Variants in CCDC149 observed in about 807,000 individuals in gnomAD.
The protein encoded by CCDC149 is coiled-coil domain containing 149.
A neutral mutation model predicts 59.9 loss-of-function variants in CCDC149; 45 were observed. The ratio of observed to expected loss-of-function variants is 0.75; its 90% CI spans 0.59 to 0.96. The LOEUF is 0.96. Among genes scored for constraint, CCDC149 ranks in the 40% least tolerant of loss-of-function variants. The pLI is 0.00. For synonymous variants in CCDC149, 245 were observed against 260.6 expected (o/e 0.94, Z 0.58); for missense variants, 584 against 664.7 (o/e 0.88, Z 1.33).
intron 2 of CCDC149, among the ~76,000 whole-genome samples, chr4:24,875,925 A>ACCATGGT: frequency 6.6e-6 from 1 of 152,316 alleles, no homozygotes; most frequent in East Asian, 1.9e-4. Context: ...CCTGAGATCA[A>ACCATGGT]CCATGGTCCA....
chr4:24,854,815 T>C (rs2109189752), intron 3 of CCDC149, among the ~76,000 whole-genome samples: 2 of 152,304 alleles, frequency 1.3e-5, no homozygotes, highest in Middle Eastern at 6.8e-3. Flanking sequence ...GGCATGATCC[T>C]ATTTCAGTGC....
At chr4:24,949,660 G>T (rs953529065) in intron 1 of CCDC149, among the ~76,000 whole-genome samples, 1 of 152,154 alleles carries the variant, frequency 6.6e-6, no homozygotes, top group African/African-American at 2.4e-5. Context: ...AAACCTCAGA[G>T]CCAGAAAGAA....
chr4:24,956,686 T>C (rs569609314), intron 1 of CCDC149, among the ~76,000 whole-genome samples: 29 of 152,350 alleles, frequency 1.9e-4, no homozygotes, highest in African/African-American at 5.1e-4. Context: ...ATTAAATTTA[T>C]AGGTGTTCAG....
intron 1 of CCDC149, among the ~76,000 whole-genome samples, chr4:24,900,993 G>C (rs1204305387): frequency 6.6e-6 from 1 of 152,208 alleles, no homozygotes; most frequent in Non-Finnish European, 1.5e-5. Context: ...GTGATGGGGA[G>C]CCACCACTGA....
chr4:24,881,714 G>C (rs1719850590), intron 1 of CCDC149, among the ~76,000 whole-genome samples: 1 of 152,220 alleles, frequency 6.6e-6, no homozygotes, highest in African/African-American at 2.4e-5. Flanking sequence ...CCACACTGAG[G>C]ACGAGGGTTC....
chr4:24,866,938 G>C (rs1454513852), intron 3 of CCDC149, among the ~76,000 whole-genome samples: 2 of 152,084 alleles, frequency 1.3e-5, no homozygotes, highest in African/African-American at 2.4e-5. Context: ...CCTAAGCAGA[G>C]AGCTTTGAAC....
chr4:24,963,499 A>G (rs934706799), intron 1 of CCDC149, among the ~76,000 whole-genome samples: 7 of 152,188 alleles, frequency 4.6e-5, no homozygotes, highest in African/African-American at 1.7e-4. Context: ...CCCTCACCCA[A>G]CATAAACAAG....
intron 2 of CCDC149, among the ~76,000 whole-genome samples, chr4:24,875,309 C>G (rs537874311): frequency 6.1e-5 from 9 of 148,412 alleles, no homozygotes; most frequent in African/African-American, 2.3e-4. Flanking sequence ...CAGCCTGGGC[C>G]ACAGAGCGAG....
At position 24,912,969 on chromosome 4, in the gene CCDC149, G is replaced by A; in HGVS notation, c.-90C>T. 8.5e-6 allele frequency: 5 copies of A among 587,560 alleles called. No individual in the cohort carries two copies. The highest frequency in any genetic ancestry group is 1.1e-5 in the Non-Finnish European group (5 of 448,362). The allele number at this position is 587,560 out of a possible 1,614,324, so 36.4% of individuals were successfully genotyped here. ...GCCCGGGCCCCGCGCGGCCCCGAGA[G>A]GGCCCGGCGCCTCCGAGCCGCTGCG... is the stretch of plus-strand genomic sequence containing the variant. On this transcript the variant is annotated 5_prime_UTR_variant, in exon 1 of 13. Coordinates refer to ENST00000635206, the MANE Select transcript of CCDC149 (RefSeq NM_001330643.2).
chr4:24,966,710 T>A (rs1459083814), intron 1 of CCDC149, among the ~76,000 whole-genome samples: 1 of 152,242 alleles, frequency 6.6e-6, no homozygotes, highest in Non-Finnish European at 1.5e-5. Context: ...GAGCAGCAAT[T>A]TCAGAAAATG....
chr4:24,899,447 T>C (rs1247058760), intron 1 of CCDC149, among the ~76,000 whole-genome samples: 1 of 152,062 alleles, frequency 6.6e-6, no homozygotes, highest in African/African-American at 2.4e-5. Flanking sequence ...AAGCCCAGCA[T>C]GTAGGAAAAG....
chr4:24,900,464 T>A (rs1365300854), intron 1 of CCDC149, among the ~76,000 whole-genome samples: 1 of 152,264 alleles, frequency 6.6e-6, no homozygotes, highest in African/African-American at 2.4e-5. Context: ...GCTCTGCAAA[T>A]GGGCCAGAAC....
At chr4:24,841,098 G>C (rs1716906413) in intron 4 of CCDC149, among the ~76,000 whole-genome samples, 1 of 152,174 alleles carries the variant, frequency 6.6e-6, no homozygotes, top group African/African-American at 2.4e-5. Flanking sequence ...TGGATACACA[G>C]GAAGGCAAAC....
intron 3 of CCDC149, among the ~76,000 whole-genome samples, chr4:24,857,615 C>A (rs377092008): frequency 6.6e-6 from 1 of 152,090 alleles, no homozygotes; most frequent in Non-Finnish European, 1.5e-5. Context: ...ATGGCCAGGA[C>A]GGAGGGCAGG....
At chr4:24,928,903 C>T (rs556674112) in intron 1 of CCDC149, among the ~76,000 whole-genome samples, 8 of 152,290 alleles carry the variant, frequency 5.3e-5, no homozygotes, top group Non-Finnish European at 8.8e-5. Flanking sequence ...CACACTTCCC[C>T]TTTTCAGGTG....
chr4:24,951,618 C>A (rs1340751621), intron 1 of CCDC149, among the ~76,000 whole-genome samples: 1 of 152,134 alleles, frequency 6.6e-6, no homozygotes, highest in Non-Finnish European at 1.5e-5. Context: ...TGACTGATAA[C>A]AATTTATCCG....
chr4:24,965,477 T>C (rs1452995194), intron 1 of CCDC149, among the ~76,000 whole-genome samples: 2,177 of 148,440 alleles, frequency 0.015, 62 homozygotes, highest in African/African-American at 0.043. Flanking sequence ...AATTTGAAGT[T>C]AACGACAGAA....
chr4:24,886,860 C>T (rs1032403876), intron 1 of CCDC149, among the ~76,000 whole-genome samples: 1 of 152,088 alleles, frequency 6.6e-6, no homozygotes, highest in Non-Finnish European at 1.5e-5. Flanking sequence ...ACACCAAATA[C>T]ACTAGGTAAT....
intron 1 of CCDC149, among the ~76,000 whole-genome samples, chr4:24,918,750 T>G (rs1028901342): frequency 6.6e-6 from 1 of 152,336 alleles, no homozygotes; most frequent in African/African-American, 2.4e-5. Context: ...GCTCCCTTGG[T>G]CTGAGGGTAG....
Sources: allele counts gnomAD v4.1 joint callset (sites outside exome capture counted in the v4.1 genomes callset), GRCh38; gene constraint gnomAD v4.1.1; transcripts MANE v1.5; gene names NCBI Gene and HGNC (gene_info 2026-07-23, HGNC 2026-07-21).